Variants in ANO1 observed in about 807,000 individuals in gnomAD.
The protein encoded by ANO1 is anoctamin 1.
In ANO1, 59 loss-of-function variants were observed where a neutral mutation model predicts 124.0. The observed-to-expected ratio is 0.48, with a 90% CI of 0.39 to 0.59. The LOEUF (loss-of-function observed/expected upper bound fraction) is 0.59. Ranked by LOEUF, ANO1 falls within the 20% of genes least tolerant of loss-of-function variation. ANO1 has a pLI of 0.00. For missense variants in ANO1, 1,059 were observed against 1,328.0 expected, an observed-to-expected ratio of 0.80 and a Z score of 3.15; for synonymous variants, 529 against 532.0, an observed-to-expected ratio of 0.99 and a Z score of 0.08.
At chr11:70,182,817 A>G (rs1473421379) in intron 24 of ANO1, 131 bp downstream of exon 24, 4 of 486,494 alleles carry the variant, frequency 8.2e-6, no homozygotes, top group Non-Finnish European at 1.2e-5. Flanking sequence ...AAGAAGAAGG[A>G]AAAAAAAAAA....
chr11:70,072,695 T>C (rs1291676284), intron 1 of ANO1: 1 of 152,248 alleles, frequency 6.6e-6, no homozygotes, highest in Non-Finnish European at 1.5e-5. Context: ...CTTGGGCCGG[T>C]CACCAACACC....
chr11:70,148,519 CGGCCCTGTCCTGGA>C (rs1284275543), intron 11 of ANO1, among the ~76,000 whole-genome samples: 1 of 152,184 alleles, frequency 6.6e-6, no homozygotes, highest in Non-Finnish European at 1.5e-5. Flanking sequence ...ACAGAGGCAA[CGGCCCTGTCCTGGA>C]GGGGTCTGTA....
At chr11:70,085,054 C>CG (rs1381899298) in intron 1 of ANO1, among the ~76,000 whole-genome samples, 1 of 152,060 alleles carries the variant, frequency 6.6e-6, no homozygotes, top group Non-Finnish European at 1.5e-5. Context: ...TAAGGGGGGC[C>CG]GCACCTTGGG....
intron 14 of ANO1, among the ~76,000 whole-genome samples, chr11:70,155,090 C>A (rs999091140): frequency 6.6e-6 from 1 of 152,184 alleles, no homozygotes; most frequent in African/African-American, 2.4e-5. Flanking sequence ...CCAAGACAGC[C>A]CACCCTGTAG....
At position 70,153,118 on chromosome 11, in the gene ANO1, G is replaced by A. The variant is rs2047669750; in HGVS notation, c.1415G>A (p.Arg472Lys). The change falls in exon 14 of 26, where the codon AGA (arginine) becomes AAA (lysine). Residue 472 changes from arginine to lysine, a missense_variant. Arg to Lys is a conservative substitution (Grantham distance 26). This residue lies in a region of ANO1 where 809 missense variants were observed against 1,094.9 expected (regional missense o/e 0.74). Coordinates refer to ENST00000355303, the MANE Select transcript of ANO1 (RefSeq NM_018043.7). ...GAGAAGTCTCTGAAGAAAGAGTCCA[G>A]AAACAAAGAGGTATGGTGGCCACTG... ...VLEKSLKKESRNKEKRRHIPE... is the reference protein window; with the variant it reads ...VLEKSLKKESKNKEKRRHIPE... 1.9e-6 allele frequency: 3 copies of A among 1,604,664 alleles called. No homozygotes were observed. Among genetic ancestry groups the A allele is most frequent in the South Asian group, 2.3e-5 (2 of 88,760 alleles).
intron 1 of ANO1, among the ~76,000 whole-genome samples, chr11:70,057,626 C>T (rs1291088975): frequency 6.6e-6 from 1 of 151,948 alleles, no homozygotes; most frequent in Non-Finnish European, 1.5e-5. Context: ...GTGCAGGGGT[C>T]ACAAGGTGCT....
In ANO1 at chr11:70,044,313, C is replaced by T. The variant is rs568704913; in HGVS notation, c.59-34229C>T. Among the ~76,000 whole-genome samples the T allele has an allele frequency of 3.3e-5, 5 of 152,012 alleles. No individual in the cohort carries two copies. The East Asian group carries it at 7.7e-4, about 23-fold the overall frequency. On this transcript the variant is annotated intron_variant, in intron 1 of 27. Coordinates refer to the ANO1 transcript ENST00000531349. ...TATCAAAATGGTAGATTTATATGCA[C>T]GTTTATTAATACGTTAAATGTAAAT...
At position 70,172,258 on chromosome 11, in the gene ANO1, G is replaced by A. The variant is rs78867092; in HGVS notation, c.2350+1219G>A. ...GGCATTTAAGCAGAGACAGGGTGAC[G>A]ATCTGTCCAGGAGGGTGAGGGGTAT... On this transcript the variant is annotated intron_variant, in intron 22 of 25. Transcript: ENST00000355303. Among the ~76,000 whole-genome samples the A allele has an allele frequency of 6.3e-3, 959 of 152,174 alleles. 8 individuals carry two copies. The highest frequency in any genetic ancestry group is 0.022 in the African/African-American group (903 of 41,496).
Position 70,025,183 on chromosome 11 carries a change from G to A in ANO1, c.58+39017G>A, listed in dbSNP as rs11237096. ...CTCCTTGCCAGCTGGATGACGTTGGGCAAGTTACTTCACCTCTCTGGTCCT... is the reference window on the plus strand; with the variant it reads ...CTCCTTGCCAGCTGGATGACGTTGGACAAGTTACTTCACCTCTCTGGTCCT... On this transcript the variant is annotated intron_variant, in intron 1 of 27. Transcript: ENST00000531349. 0.019 allele frequency among the ~76,000 whole-genome samples: 2,903 copies of A among 152,294 alleles called. 189 individuals carry two copies. The East Asian group carries it at 0.22, about 11-fold the overall frequency.
chr11:70,010,179 G>GTGTGTGTATATATATA, intron 1 of ANO1, among the ~76,000 whole-genome samples: 6 of 83,766 alleles, frequency 7.2e-5, no homozygotes, highest in Non-Finnish European at 9.6e-5. Flanking sequence ...GTGTGTGTGT[G>GTGTGTGTATATATATA]TATATATATA....
intron 5 of ANO1, 135 bp downstream of exon 5, chr11:70,105,923 T>C (rs2045516670): frequency 1.1e-5 from 11 of 996,582 alleles, no homozygotes; most frequent in Non-Finnish European, 1.7e-5. Context: ...ATTAGAATAA[T>C]GAAAGGGAGA....
At chr11:70,132,136 T>C in intron 11 of ANO1, 57 bp downstream of exon 11, 3 of 1,511,936 alleles carry the variant, frequency 2.0e-6, no homozygotes, top group Non-Finnish European at 2.7e-6. Context: ...GAGTGGTACC[T>C]AGGCTGCTTC....
intron 25 of ANO1, 143 bp from the exon 26 acceptor site, chr11:70,187,595 T>A: frequency 1.9e-6 from 2 of 1,047,612 alleles, no homozygotes; most frequent in South Asian, 3.3e-5. Flanking sequence ...CCTTTATAGC[T>A]TCTGGAAAAC....
At chr11:70,109,214 G>A (rs1275374179) in intron 6 of ANO1, among the ~76,000 whole-genome samples, 6 of 152,218 alleles carry the variant, frequency 3.9e-5, no homozygotes, top group African/African-American at 1.4e-4. Flanking sequence ...GCTGGAGTCT[G>A]TGCATACAGG....
Position 70,115,207 on chromosome 11 carries a change from C to T in ANO1, c.856-1251C>T, listed in dbSNP as rs183212831. Reference sequence around the variant, plus strand: ...TGCTTGCTTGAGTGTGTGGTCAAGTCGTCCCCACCTGGCAGGGGTTAGAAG... The same window carrying T: ...TGCTTGCTTGAGTGTGTGGTCAAGTTGTCCCCACCTGGCAGGGGTTAGAAG... On this transcript the variant is annotated intron_variant, in intron 7 of 25. Coordinates refer to ENST00000355303, the MANE Select transcript of ANO1 (RefSeq NM_018043.7). Among the ~76,000 whole-genome samples, 82 of 152,166 alleles carry T rather than the reference C, an allele frequency of 5.4e-4. 1 individual carries two copies. In the East Asian group the frequency reaches 0.012, roughly 23 times the overall value.
At chr11:70,016,953 G>A (rs1056485164) in intron 1 of ANO1, among the ~76,000 whole-genome samples, 18 of 152,210 alleles carry the variant, frequency 1.2e-4, no homozygotes, top group Admixed American at 3.9e-4. Flanking sequence ...ACTGTGCTTC[G>A]TACTAGAGAT....
At position 70,038,746 on chromosome 11, in the gene ANO1, A is replaced by G. The variant is rs146027843; in HGVS notation, c.59-39796A>G. On this transcript the variant is annotated intron_variant, in intron 1 of 27. Coordinates refer to the ANO1 transcript ENST00000531349. ...CAGGGGAGAAGGAGAGACTTTCAAAACCGCAGGACCAGAAGACCTCGTGCA... is the reference window on the plus strand; with the variant it reads ...CAGGGGAGAAGGAGAGACTTTCAAAGCCGCAGGACCAGAAGACCTCGTGCA... 5.3e-4 allele frequency among the ~76,000 whole-genome samples: 81 copies of G among 152,280 alleles called. 1 individual carries two copies. In the East Asian group the frequency reaches 0.015, roughly 28 times the overall value.
intron 10 of ANO1, 89 bp downstream of exon 10, chr11:70,126,284 C>A: frequency 6.9e-7 from 1 of 1,450,632 alleles, no homozygotes; most frequent in Non-Finnish European, 9.3e-7. Context: ...GGACACTGGC[C>A]TCTCACACCA....
chr11:70,101,969 G>A (rs540041389), intron 2 of ANO1, among the ~76,000 whole-genome samples: 5 of 152,296 alleles, frequency 3.3e-5, no homozygotes, highest in South Asian at 4.1e-4. Flanking sequence ...TTCTCGTTGC[G>A]TCAGCACCCT....
Sources: allele counts gnomAD v4.1 joint callset (sites outside exome capture counted in the v4.1 genomes callset), GRCh38; gene constraint gnomAD v4.1.1; regional missense constraint gnomAD v4.1.1; transcripts MANE v1.5; gene names NCBI Gene and HGNC (gene_info 2026-07-23, HGNC 2026-07-21).